The following ANOS1 variants were observed in gnomAD, a reference collection of about 807,000 sequenced individuals.
ANOS1 encodes anosmin-1.
Under a neutral mutation model 59.0 loss-of-function variants are expected in ANOS1, and 6 were observed. The ratio of observed to expected loss-of-function variants is 0.10; its 90% confidence interval spans 0.06 to 0.20. The LOEUF (loss-of-function observed/expected upper bound fraction) is 0.20. Among genes scored for constraint, ANOS1 ranks in the 10% least tolerant of loss-of-function variants. The pLI is 1.00. For synonymous variants in ANOS1, 217 were observed against 223.4 expected (o/e 0.97, Z 0.25); for missense variants, 433 against 542.3 (o/e 0.80, Z 2.00).
chrX:8,595,494 A>G (rs1930717936), intron 4 of ANOS1, among the ~76,000 whole-genome samples: 1 of 111,991 alleles, frequency 8.9e-6, no homozygotes, highest in African/African-American at 3.2e-5. Flanking sequence ...AGTGGGAGCT[A>G]AAGGAAGATG....
intron 9 of ANOS1, among the ~76,000 whole-genome samples, chrX:8,547,833 C>T (rs1444573197): frequency 1.8e-5 from 2 of 111,184 alleles, no homozygotes; most frequent in African/African-American, 6.6e-5. Flanking sequence ...TCTCCTGCCT[C>T]GGTCTCCCAA....
intron 9 of ANOS1, among the ~76,000 whole-genome samples, chrX:8,545,087 A>G (rs1162726275): frequency 9.6e-6 from 1 of 104,039 alleles, no homozygotes; most frequent in Non-Finnish European, 2.0e-5. Flanking sequence ...AAAAAAAGAA[A>G]AGAAGAGAAA....
intron 3 of ANOS1, among the ~76,000 whole-genome samples, chrX:8,597,699 C>CTCACTTTG (rs749602100): frequency 4.2e-4 from 28 of 66,009 alleles, no homozygotes; most frequent in African/African-American, 1.5e-3. Flanking sequence ...CAGTTAAGGT[C>CTCACTTTG]TCACTTTGTC....
chrX:8,536,213 T>TTTC (rs1929590980), intron 11 of ANOS1, among the ~76,000 whole-genome samples: 2 of 76,341 alleles, frequency 2.6e-5, no homozygotes, highest in African/African-American at 1.4e-4. Context: ...TTTTTTTTTT[T>TTTC]TTTAAAAGGT....
At chrX:8,551,528 A>G (rs1391483618) in intron 9 of ANOS1, among the ~76,000 whole-genome samples, 1 of 108,301 alleles carries the variant, frequency 9.2e-6, no homozygotes, top group East Asian at 2.9e-4. Flanking sequence ...AATCGCAGCT[A>G]CTCTGGAGGC....
chrX:8,628,783 A>G, intron 2 of ANOS1, among the ~76,000 whole-genome samples: 1 of 112,486 alleles, frequency 8.9e-6, no homozygotes, highest in Non-Finnish European at 1.9e-5. Context: ...AACACTTTAA[A>G]TTTCAAAGAA....
At chrX:8,604,133 G>T (rs191930749) in intron 3 of ANOS1, among the ~76,000 whole-genome samples, 1 of 111,862 alleles carries the variant, frequency 8.9e-6, no homozygotes, top group African/African-American at 3.2e-5. Flanking sequence ...CACAAAACAC[G>T]TAAGAGTCTG....
At chrX:8,659,003 C>T (rs181395152) in intron 2 of ANOS1, among the ~76,000 whole-genome samples, 2,337 of 111,195 alleles carry the variant, frequency 0.021, 73 homozygotes, top group African/African-American at 0.074. Flanking sequence ...CCGAGGCGGG[C>T]GGATCACGTC....
chrX:8,671,587 G>GTA (rs752088039), intron 2 of ANOS1, among the ~76,000 whole-genome samples: 2,330 of 102,155 alleles, frequency 0.023, 48 homozygotes, highest in African/African-American at 0.071. Context: ...ATGTGTATGA[G>GTA]TATATATATA....
In ANOS1 at chrX:8,655,640, T is replaced by C. The variant is rs190737761; in HGVS notation, c.256-31970A>G. 4.1e-3 allele frequency among the ~76,000 whole-genome samples: 459 copies of C among 111,099 alleles called. 1 individual carries two copies. The highest frequency in any genetic ancestry group is 5.8e-3 in the Non-Finnish European group (306 of 52,956). ...CTTGTCATCTGGCCCTTTAGAGAAA[T>C]AATTTTCCAGCCCCTGGTCTAATTT... On this transcript the variant is annotated intron_variant, in intron 2 of 13. Coordinates refer to ENST00000262648, the MANE Select transcript of ANOS1 (RefSeq NM_000216.4).
chrX:8,601,686 C>T (rs937364342), intron 3 of ANOS1, among the ~76,000 whole-genome samples: 2 of 111,868 alleles, frequency 1.8e-5, no homozygotes, highest in Non-Finnish European at 3.8e-5. Flanking sequence ...TCTTTGCACC[C>T]ATGGTTTCTA....
At chrX:8,556,486 C>A (rs1165172094) in intron 8 of ANOS1, among the ~76,000 whole-genome samples, 1 of 112,107 alleles carries the variant, frequency 8.9e-6, no homozygotes, top group Non-Finnish European at 1.9e-5. Context: ...AGCAAAGTCT[C>A]AGGATACAAA....
At chrX:8,693,733 ATTT>A (rs35989320) in intron 2 of ANOS1, among the ~76,000 whole-genome samples, 2 of 75,328 alleles carry the variant, frequency 2.7e-5, no homozygotes, top group Non-Finnish European at 2.5e-5. Context: ...TATTGCATGA[ATTT>A]TTTTTTTTTT....
chrX:8,647,579 A>G (rs986121191), intron 2 of ANOS1, among the ~76,000 whole-genome samples: 3 of 112,173 alleles, frequency 2.7e-5, no homozygotes, highest in African/African-American at 6.5e-5. Flanking sequence ...GCTTTCAAAC[A>G]ATTCCCACAA....
At chrX:8,592,371 T>C (rs1320379152) in intron 4 of ANOS1, among the ~76,000 whole-genome samples, 1 of 112,291 alleles carries the variant, frequency 8.9e-6, no homozygotes, top group African/African-American at 3.2e-5. Flanking sequence ...TAATTATTTG[T>C]GGAAATATTA....
intron 1 of ANOS1, among the ~76,000 whole-genome samples, chrX:8,729,055 G>A (rs1932945428): frequency 1.8e-5 from 2 of 112,420 alleles, no homozygotes; most frequent in South Asian, 7.4e-4. Context: ...GCCGACGACA[G>A]CAGGTCACTG....
At chrX:8,637,370 G>A (rs1190662879) in intron 2 of ANOS1, among the ~76,000 whole-genome samples, 2 of 112,042 alleles carry the variant, frequency 1.8e-5, no homozygotes, top group African/African-American at 6.5e-5. Flanking sequence ...TTACAACTTA[G>A]CTAACTGAAC....
chrX:8,576,198 C>T (rs770200295), intron 6 of ANOS1, among the ~76,000 whole-genome samples: 10 of 110,725 alleles, frequency 9.0e-5, no homozygotes, highest in Non-Finnish European at 1.3e-4. Flanking sequence ...TGTAAACCAG[C>T]CATTCATTTA....
chrX:8,618,746 A>G (rs959766361), intron 3 of ANOS1, among the ~76,000 whole-genome samples: 3 of 112,268 alleles, frequency 2.7e-5, no homozygotes, highest in African/African-American at 9.7e-5. Context: ...TTTGGTTAAA[A>G]AAAGTTTGTC....
Sources: gnomAD v4.1 joint callset for allele counts (sites outside exome capture counted in the v4.1 genomes callset) on GRCh38, gnomAD v4.1.1 for gene constraint, MANE v1.5 for transcripts, NCBI Gene and HGNC (gene_info 2026-07-23, HGNC 2026-07-21) for gene names.